Variants in LRPPRC observed in about 807,000 individuals in gnomAD.
LRPPRC encodes leucine-rich PPR motif-containing protein, mitochondrial.
In LRPPRC, 120 loss-of-function variants were observed where a neutral mutation model predicts 180.3. The observed-to-expected ratio is 0.67, with a 90% CI of 0.57 to 0.77. The LOEUF (loss-of-function observed/expected upper bound fraction) is 0.77. Ranked by LOEUF, LRPPRC falls within the 30% of genes least tolerant of loss-of-function variation. LRPPRC has a pLI of 0.00. For synonymous variants in LRPPRC, 723 were observed against 600.0 expected (o/e 1.21, Z -3.00); for missense variants, 2,012 against 1,657.2 (o/e 1.21, Z -3.72).
At chr2:43,991,332 G>A (rs747144815) in intron 1 of LRPPRC, among the ~76,000 whole-genome samples, 3 of 151,944 alleles carry the variant, frequency 2.0e-5, no homozygotes, top group South Asian at 2.1e-4. Flanking sequence ...GTACCCAGCC[G>A]GACCCATCAG....
rs531574921 is a variant in LRPPRC at position 43,953,474 on chromosome 2, C to T, written c.1650-2874G>A. Among the ~76,000 whole-genome samples, 5 of 152,298 alleles carry T rather than the reference C, an allele frequency of 3.3e-5. No homozygotes were observed. In the South Asian group the frequency reaches 1.0e-3, roughly 32 times the overall value. Reference sequence around the variant, plus strand: ...AGACAGATTTGCAACTGTGCAAACACTGGAGGCTCCTGGGTAGTGTCCCCT... The same window carrying T: ...AGACAGATTTGCAACTGTGCAAACATTGGAGGCTCCTGGGTAGTGTCCCCT... On this transcript the variant is annotated intron_variant, in intron 14 of 37. Transcript: ENST00000260665.
At chr2:43,945,223 A>C in intron 22 of LRPPRC, 109 bp downstream of exon 22, 1 of 793,260 alleles carries the variant, frequency 1.3e-6, no homozygotes, top group Non-Finnish European at 2.2e-6. Context: ...ATTTCTATGC[A>C]AAGTGTTCAA....
intron 24 of LRPPRC, 142 bp downstream of exon 24, chr2:43,934,611 TA>T: frequency 1.5e-6 from 1 of 668,496 alleles, no homozygotes; most frequent in Non-Finnish European, 2.6e-6. Flanking sequence ...ATCTACCTGA[TA>T]TTTTTCTTTT....
In LRPPRC at chr2:43,928,002, T is replaced by C. The variant is rs986978904; in HGVS notation, c.2737-2041A>G. Among the ~76,000 whole-genome samples the C allele has an allele frequency of 5.0e-5, 7 of 139,900 alleles. No individual in the cohort carries two copies. The Admixed American group carries it at 5.3e-4, about 11-fold the overall frequency. 91.8% of individuals were successfully genotyped at this position (139,900 alleles called of 152,430 possible). A position where few individuals can be genotyped will look rare whatever the true frequency, so the allele number is the denominator to read the frequency against. On this transcript the variant is annotated intron_variant, in intron 25 of 37. Transcript: ENST00000260665. ...AACATGGAGAAGAATAGAATTCTAATTGGGATGTTAAATATAACATGAAAA... is the reference window on the plus strand; with the variant it reads ...AACATGGAGAAGAATAGAATTCTAACTGGGATGTTAAATATAACATGAAAA...
intron 24 of LRPPRC, among the ~76,000 whole-genome samples, 153 bp downstream of exon 24, chr2:43,934,601 A>AT (rs886367222): frequency 5.9e-5 from 9 of 152,060 alleles, no homozygotes; most frequent in African/African-American, 2.2e-4. Flanking sequence ...AATATTGGAA[A>AT]TCTACCTGAT....
At chr2:43,962,167 A>G (rs542962702) in intron 12 of LRPPRC, among the ~76,000 whole-genome samples, 17 of 152,334 alleles carry the variant, frequency 1.1e-4, no homozygotes, top group African/African-American at 3.1e-4. Context: ...CTAGTGAGAA[A>G]GCCAAAGCAG....
chr2:43,970,734 T>C (rs1167459607), intron 11 of LRPPRC, among the ~76,000 whole-genome samples: 1 of 152,224 alleles, frequency 6.6e-6, no homozygotes, highest in African/African-American at 2.4e-5. Context: ...CAACTATGAC[T>C]GTTTCATTCC....
chr2:43,972,721 A>G (rs990276092), intron 11 of LRPPRC, among the ~76,000 whole-genome samples: 3 of 152,216 alleles, frequency 2.0e-5, no homozygotes, highest in Non-Finnish European at 4.4e-5. Flanking sequence ...AAACCAGAAG[A>G]CGGCTGTACA....
chr2:43,952,917 C>T (rs963331308), intron 14 of LRPPRC, among the ~76,000 whole-genome samples: 3 of 152,110 alleles, frequency 2.0e-5, no homozygotes, highest in African/African-American at 2.4e-5. Flanking sequence ...TTCAATGGCT[C>T]GAAGCCATGT....
chr2:43,993,676 C>G (rs1176132657), intron 1 of LRPPRC, among the ~76,000 whole-genome samples: 3 of 151,672 alleles, frequency 2.0e-5, no homozygotes, highest in Non-Finnish European at 2.9e-5. Context: ...CCTGCTGTCA[C>G]CTGAACACAC....
intron 29 of LRPPRC, among the ~76,000 whole-genome samples, chr2:43,914,467 C>T (rs1245062628): frequency 6.6e-6 from 1 of 152,172 alleles, no homozygotes; most frequent in Admixed American, 6.5e-5. Context: ...GTGGCTCATG[C>T]CTGTAATCCC....
intron 25 of LRPPRC, among the ~76,000 whole-genome samples, chr2:43,930,624 T>TTA (rs969513360): frequency 6.6e-6 from 1 of 152,190 alleles, no homozygotes; most frequent in African/African-American, 2.4e-5. Flanking sequence ...TTACAGGTAA[T>TTA]AATCATAATT....
At chr2:43,980,580 AAGAAAGAGAG>A (rs1674260825) in intron 2 of LRPPRC, among the ~76,000 whole-genome samples, 2 of 122,296 alleles carry the variant, frequency 1.6e-5, no homozygotes, top group Admixed American at 1.6e-4. Flanking sequence ...AGAAGAAAGA[AAGAAAGAGAG>A]AGAGAGAGAG....
intron 25 of LRPPRC, among the ~76,000 whole-genome samples, chr2:43,926,833 A>C (rs1671897163): frequency 6.6e-6 from 1 of 152,366 alleles, no homozygotes; most frequent in African/African-American, 2.4e-5. Context: ...CGAACTTCAC[A>C]GTGATAAAAG....
At position 43,901,363 on chromosome 2, in the gene LRPPRC, T is replaced by C. The variant is rs1247879067; in HGVS notation, c.3526A>G (p.Lys1176Glu). Residue 1176 changes from lysine to glutamate, a missense_variant, in exon 32 of 38, where the codon AAA (lysine) becomes GAA (glutamate). Physicochemically the swap from Lys to Glu is moderately conservative, Grantham distance 56. Coordinates refer to ENST00000260665, the MANE Select transcript of LRPPRC (RefSeq NM_133259.4). ...GCAATGTTATTGATGAAAACCATTT[T>C]TGAAAGTCCAATGGAGTCTTCGAGT... ...NGLEDSIGLSKMVFINNIALA... is the reference protein window; with the variant it reads ...NGLEDSIGLSEMVFINNIALA... 12 of 1,614,086 alleles carry C rather than the reference T, an allele frequency of 7.4e-6. No individual in the cohort carries two copies. In the Middle Eastern group the frequency reaches 8.3e-4, roughly 111 times the overall value.
chr2:43,914,283 C>T (rs770873937), intron 29 of LRPPRC, among the ~76,000 whole-genome samples: 1 of 151,902 alleles, frequency 6.6e-6, no homozygotes, highest in Admixed American at 6.6e-5. Flanking sequence ...ACCCATTCAC[C>T]GCACGTTTGT....
At chr2:43,948,626 G>A in intron 16 of LRPPRC, 108 bp from the exon 17 acceptor site, 2 of 717,764 alleles carry the variant, frequency 2.8e-6, no homozygotes, top group South Asian at 1.5e-5. Context: ...ACCCTGATGA[G>A]AGGCTCTGAA....
rs1171692259 is a variant in LRPPRC at position 43,886,856 on chromosome 2, C to T, written c.*1744G>A. The T allele has an allele frequency of 6.6e-6, 1 of 152,146 alleles. No individual in the cohort carries two copies. Among genetic ancestry groups the T allele is most frequent in the African/African-American group, 2.4e-5 (1 of 41,408 alleles). The allele number at this position is 152,146 out of a possible 1,614,324, so 9.4% of individuals were successfully genotyped here. ...AATCACTAAAGACAGGAGTGAGGCT[C>T]TTGGCCAGGCGTGGTGGCTCACACC... On this transcript the variant is annotated 3_prime_UTR_variant, in exon 38 of 38. Transcript: ENST00000260665.
At chr2:43,933,598 T>A (rs543416219) in intron 25 of LRPPRC, among the ~76,000 whole-genome samples, 1 of 152,294 alleles carries the variant, frequency 6.6e-6, no homozygotes, top group South Asian at 2.1e-4. Flanking sequence ...CCTTGACTTA[T>A]CAATTCCACT....
Sources: allele counts gnomAD v4.1 joint callset (sites outside exome capture counted in the v4.1 genomes callset), GRCh38; gene constraint gnomAD v4.1.1; transcripts MANE v1.5; gene names NCBI Gene and HGNC (gene_info 2026-07-23, HGNC 2026-07-21).